Variants in EPN2 observed in about 807,000 individuals in gnomAD.
EPN2 encodes the protein epsin 2.
A neutral mutation model predicts 61.7 loss-of-function variants in EPN2; 34 were observed. That is an observed-to-expected ratio of 0.55 (90% CI 0.42 to 0.73). The LOEUF (loss-of-function observed/expected upper bound fraction) is 0.73. Ranked by LOEUF, EPN2 falls within the 30% of genes least tolerant of loss-of-function variation. The pLI is 0.00. For synonymous variants in EPN2, 349 were observed against 353.6 expected, an observed-to-expected ratio of 0.99 and a Z score of 0.15; for missense variants, 714 against 839.2, an observed-to-expected ratio of 0.85 and a Z score of 1.84.
Position 19,285,853 on chromosome 17 carries a change from TG to T in EPN2, c.766+64del, listed in dbSNP as rs928591436. ...CTGGGCAGCTTGCTGGGGGTGTGCT[TG>T]CCATGCCAGTACAGCCAACTCTCTC... is the stretch of plus-strand genomic sequence containing the variant. On this transcript the variant is annotated intron_variant, in intron 4 of 10. Transcript: ENST00000314728. This position sits in a 1 kb window ranked among gnomAD's most constrained non-coding sequence, Gnocchi z 4.5. 3.4e-6 allele frequency: 5 copies of T among 1,467,326 alleles called. No homozygotes were observed. In the African/African-American group the frequency reaches 7.0e-5, roughly 21 times the overall value. The allele number at this position is 1,467,326 out of a possible 1,614,324, so 90.9% of individuals were successfully genotyped here. A position where few individuals can be genotyped will look rare whatever the true frequency, so the allele number is the denominator to read the frequency against.
chr17:19,324,188 AAC>A (rs1906764822), intron 7 of EPN2, among the ~76,000 whole-genome samples: 1 of 152,258 alleles, frequency 6.6e-6, no homozygotes, highest in South Asian at 2.1e-4. Context: ...TATCACATAT[AAC>A]ACAATTTCTG....
chr17:19,250,530 CAGG>C (rs970104397), intron 1 of EPN2, among the ~76,000 whole-genome samples: 4 of 152,318 alleles, frequency 2.6e-5, no homozygotes, highest in African/African-American at 7.2e-5. Flanking sequence ...ATATTAAAAA[CAGG>C]AGATCTTACA....
At chr17:19,309,172 C>A (rs993459001) in intron 4 of EPN2, among the ~76,000 whole-genome samples, 17 of 142,664 alleles carry the variant, frequency 1.2e-4, no homozygotes, top group African/African-American at 4.4e-4. Flanking sequence ...GAGACGGAGT[C>A]TCGCTCTGTC....
intron 7 of EPN2, among the ~76,000 whole-genome samples, chr17:19,316,201 T>C (rs1906376427): frequency 6.6e-6 from 1 of 152,240 alleles, no homozygotes; most frequent in Admixed American, 6.5e-5. Flanking sequence ...AAAGAGAAGA[T>C]AGAAACCTGG....
At chr17:19,305,313 G>C (rs1905782177) in intron 4 of EPN2, among the ~76,000 whole-genome samples, 1 of 151,960 alleles carries the variant, frequency 6.6e-6, no homozygotes, top group African/African-American at 2.4e-5. Context: ...GTAGAGACAG[G>C]GTTTTGCCCT....
intron 1 of EPN2, among the ~76,000 whole-genome samples, chr17:19,241,415 A>G: frequency 6.6e-6 from 1 of 151,946 alleles, no homozygotes; most frequent in Admixed American, 6.6e-5. Flanking sequence ...GTGAAACCCC[A>G]TCTCTACTAA....
intron 4 of EPN2, among the ~76,000 whole-genome samples, chr17:19,288,766 A>G (rs943809201): frequency 6.6e-6 from 1 of 152,192 alleles, no homozygotes; most frequent in Non-Finnish European, 1.5e-5. Context: ...TTTTGTGTCC[A>G]TGTTTAGATG....
At chr17:19,278,071 C>A (rs375932196) in intron 1 of EPN2, among the ~76,000 whole-genome samples, 1,203 of 134,160 alleles carry the variant, frequency 9.0e-3, no homozygotes, top group Non-Finnish European at 0.011. Flanking sequence ...GACTATGTCT[C>A]AAAAAAAAAA....
intron 1 of EPN2, among the ~76,000 whole-genome samples, chr17:19,261,088 A>G (rs956930146): frequency 2.6e-5 from 4 of 152,188 alleles, no homozygotes; most frequent in Non-Finnish European, 4.4e-5. Flanking sequence ...CGTTTCCCAC[A>G]TTGCAGTGGT....
chr17:19,263,917 G>T (rs1420577207), intron 1 of EPN2, among the ~76,000 whole-genome samples: 2 of 150,234 alleles, frequency 1.3e-5, no homozygotes, highest in Non-Finnish European at 3.0e-5. Flanking sequence ...GAGCGAGAAG[G>T]GGGGTTAGGG....
intron 8 of EPN2, chr17:19,329,342 C>T (rs1907050854): frequency 3.9e-6 from 2 of 510,580 alleles, no homozygotes; most frequent in South Asian, 3.3e-5. Context: ...GGGCATCCCA[C>T]ACCCTGTCCT....
intron 1 of EPN2, among the ~76,000 whole-genome samples, chr17:19,247,343 T>C (rs1254862382): frequency 6.6e-6 from 1 of 152,156 alleles, no homozygotes; most frequent in African/African-American, 2.4e-5. Flanking sequence ...ACAAAGTTAC[T>C]ATTTGTGAGA....
In EPN2 at chr17:19,334,159, C is replaced by A. The variant is rs547520323; in HGVS notation, c.1831C>A (p.Pro611Thr). 1.9e-6 allele frequency: 3 copies of A among 1,600,842 alleles called. No individual in the cohort carries two copies. The highest frequency in any genetic ancestry group is 2.6e-6 in the Non-Finnish European group (3 of 1,172,744). Residue 611 changes from proline (P) to threonine (T), a missense_variant, in exon 11 of 11, where the codon CCA becomes ACA. This residue lies in a region of EPN2 where 410 missense variants were observed against 421.8 expected (regional missense o/e 0.97). Transcript: ENST00000314728. This position sits in a 1 kb window ranked among gnomAD's most constrained non-coding sequence, Gnocchi z 4.9. ...GGGGGCCACTGGTTCCTCTCTGACA[C>A]CACTGGGCCCTGCAATGATGAACAT... The part of the protein sequence containing the change: ...ALGATGSSLT[P>T]LGPAMMNMVG...
chr17:19,278,088 AAAAT>A (rs2045326187), intron 1 of EPN2, among the ~76,000 whole-genome samples: 1 of 143,020 alleles, frequency 7.0e-6, no homozygotes, highest in African/African-American at 2.6e-5. Context: ...AAAAAAAAAG[AAAAT>A]GAAAAGCCTC....
At chr17:19,314,434 G>C (rs997520524) in intron 7 of EPN2, among the ~76,000 whole-genome samples, 1 of 152,208 alleles carries the variant, frequency 6.6e-6, no homozygotes, top group Non-Finnish European at 1.5e-5. Context: ...CGTGTGAGAA[G>C]CAGAGGGGTA....
At chr17:19,277,359 C>T (rs1034587043) in intron 1 of EPN2, among the ~76,000 whole-genome samples, 10 of 146,058 alleles carry the variant, frequency 6.8e-5, no homozygotes, top group Non-Finnish European at 1.0e-4. Flanking sequence ...CGAGATTGCA[C>T]CACGGCACTC....
At chr17:19,329,178 C>T (rs1907043852) in intron 8 of EPN2, 1 of 446,794 alleles carries the variant, frequency 2.2e-6, no homozygotes, top group African/African-American at 2.0e-5. Flanking sequence ...CCTGTCCTCA[C>T]CCCTGGGGGG....
At chr17:19,252,941 C>T (rs764594018) in intron 1 of EPN2, among the ~76,000 whole-genome samples, 2 of 152,188 alleles carry the variant, frequency 1.3e-5, no homozygotes, top group Non-Finnish European at 1.5e-5. Context: ...AAGAGATCTG[C>T]CTGCCTGTGT....
chr17:19,249,558 G>A (rs2044990774), intron 1 of EPN2: 1 of 152,290 alleles, frequency 6.6e-6, no homozygotes, highest in African/African-American at 2.4e-5. Flanking sequence ...TGGGGTGAAT[G>A]TCAGAGAGCT....
Sources: allele counts gnomAD v4.1 joint callset (sites outside exome capture counted in the v4.1 genomes callset), GRCh38; gene constraint gnomAD v4.1.1; regional missense constraint gnomAD v4.1.1; non-coding constraint Gnocchi (gnomAD v3.1); transcripts MANE v1.5; gene names NCBI Gene and HGNC (gene_info 2026-07-23, HGNC 2026-07-21).